Variants in PKHD1 observed in about 807,000 individuals in gnomAD.
PKHD1 encodes the protein fibrocystin.
PKHD1 carries 291 observed loss-of-function variants against 412.0 expected under a neutral mutation model. That is an observed-to-expected ratio of 0.71 (90% CI 0.64 to 0.78). The LOEUF (loss-of-function observed/expected upper bound fraction) is 0.78, where lower values mean the gene tolerates loss of function less well. Among genes scored for constraint, PKHD1 ranks in the 30% least tolerant of loss-of-function variants. The probability of loss-of-function intolerance (pLI) is 0.00; values close to 1 mark genes in which losing one functional copy is unlikely to be tolerated. For synonymous variants in PKHD1, 1,777 were observed against 1,821.5 expected (o/e 0.98, Z 0.62); for missense variants, 4,825 against 4,950.7 (o/e 0.97, Z 0.76).
chr6:51,883,380 A>G (rs939516051), intron 45 of PKHD1, among the ~76,000 whole-genome samples, 153 bp from the exon 46 acceptor site: 1 of 149,846 alleles, frequency 6.7e-6, no homozygotes, highest in Non-Finnish European at 1.5e-5. Context: ...GGCATCCTCA[A>G]GTTGCTGTGA....
chr6:51,753,365 G>A lies in PKHD1; in HGVS notation c.8798-12C>T. 6.2e-7 allele frequency: 1 copy of A among 1,611,156 alleles called. No homozygotes were observed. The highest frequency in any genetic ancestry group is 1.4e-5 in the African/African-American group (1 of 73,576). ...GACATGTACACTTCCTGGGGCAATA[G>A]GAGTTGTGGGAAAAAAAAACTTTAA... On this transcript the variant is annotated splice_polypyrimidine_tract_variant and intron_variant, in intron 56 of 66. Transcript: ENST00000371117.
At chr6:52,021,729 T>G (rs566318802) in intron 33 of PKHD1, among the ~76,000 whole-genome samples, 122 of 152,208 alleles carry the variant, frequency 8.0e-4, no homozygotes, top group Admixed American at 5.2e-4. Context: ...AAAAATTTTT[T>G]TCTCCTCCCC....
At chr6:51,694,514 G>GCTCAGATTA (rs1430077840) in intron 60 of PKHD1, among the ~76,000 whole-genome samples, 12 of 137,398 alleles carry the variant, frequency 8.7e-5, no homozygotes, top group South Asian at 2.4e-4. Flanking sequence ...CTCCCAAGTA[G>GCTCAGATTA]CTCAGATTAC....
rs112328605 is a variant in PKHD1, at chr6:51,750,234, G to A, written c.8951-1569C>T. Among the ~76,000 whole-genome samples, 711 of 152,180 alleles carry A rather than the reference G, an allele frequency of 4.7e-3. 6 individuals are homozygous for A. The highest frequency in any genetic ancestry group is 0.016 in the African/African-American group (672 of 41,518). Reference sequence around the variant, plus strand: ...AATGGGTGCTATTGAGGAGGCATTCGTAGATGGTGTGGACATATTCACAGA... The same window carrying A: ...AATGGGTGCTATTGAGGAGGCATTCATAGATGGTGTGGACATATTCACAGA... On this transcript the variant is annotated intron_variant, in intron 57 of 66. Coordinates refer to ENST00000371117, the MANE Select transcript of PKHD1 (RefSeq NM_138694.4).
In PKHD1 at chr6:51,619,230, G is replaced by C. The variant is rs780097121; in HGVS notation, c.12076C>G (p.Gln4026Glu). The part of the protein sequence containing the change: ...QLLLLCPDFR[Q>E]ERQQLPGQSR... ...TGCCCTGGCAACTGCTGCCTCTCTT[G>C]TCTGAAGTCTGGGCATAGCAGCAGC... The change falls in exon 67 of 67, where the codon CAA becomes GAA. Residue 4026 changes from glutamine (Q) to glutamate (E), a missense_variant. By Grantham distance (29) the Gln-to-Glu change is conservative. Transcript: ENST00000371117. 6.2e-7 allele frequency: 1 copy of C among 1,614,252 alleles called. No individual in the cohort carries two copies.
At chr6:51,818,961 T>A (rs1458016146) in intron 52 of PKHD1, among the ~76,000 whole-genome samples, 2 of 152,208 alleles carry the variant, frequency 1.3e-5, no homozygotes, top group Non-Finnish European at 2.9e-5. Flanking sequence ...ATCAACCTCG[T>A]ACCATAATAA....
At chr6:52,017,963 T>A (rs922279297) in intron 33 of PKHD1, among the ~76,000 whole-genome samples, 7 of 152,238 alleles carry the variant, frequency 4.6e-5, no homozygotes, top group African/African-American at 1.2e-4. Context: ...TGGCATTTTT[T>A]AAATAGTTTT....
chr6:51,682,211 C>T (rs1278682185), intron 60 of PKHD1: 5 of 455,810 alleles, frequency 1.1e-5, no homozygotes, highest in South Asian at 7.8e-5. Context: ...GGATAAAGAA[C>T]ATAAGGGAAC....
At chr6:52,082,206 T>C (rs1046017243) in intron 4 of PKHD1, among the ~76,000 whole-genome samples, 186 bp downstream of exon 4, 3 of 152,170 alleles carry the variant, frequency 2.0e-5, no homozygotes, top group Admixed American at 6.5e-5. Flanking sequence ...CATACTCTCA[T>C]CCTCCGTTAA....
At chr6:52,082,268 T>C (rs1812151056) in intron 4 of PKHD1, 124 bp downstream of exon 4, 1 of 993,818 alleles carries the variant, frequency 1.0e-6, no homozygotes, top group Non-Finnish European at 1.6e-6. Context: ...CATGAAACTT[T>C]TTTTAACAAC....
chr6:51,845,643 T>C (rs980300916), intron 50 of PKHD1, among the ~76,000 whole-genome samples: 4 of 152,230 alleles, frequency 2.6e-5, no homozygotes, highest in Non-Finnish European at 4.4e-5. Context: ...ATTTATATCA[T>C]ACATATGCAC....
chr6:51,777,807 G>A (rs530255916), intron 53 of PKHD1, among the ~76,000 whole-genome samples: 1 of 151,552 alleles, frequency 6.6e-6, no homozygotes, highest in Non-Finnish European at 1.5e-5. Flanking sequence ...AGAGTTCAGC[G>A]TTCCTCTAAA....
At chr6:51,915,021 C>T (rs1302170232) in intron 37 of PKHD1, among the ~76,000 whole-genome samples, 1 of 152,042 alleles carries the variant, frequency 6.6e-6, no homozygotes, top group African/African-American at 2.4e-5. Flanking sequence ...CCAAGTATGT[C>T]TGGGTAGCTT....
intron 35 of PKHD1, among the ~76,000 whole-genome samples, chr6:51,983,955 T>C (rs916893540): frequency 3.3e-5 from 5 of 152,256 alleles, no homozygotes; most frequent in African/African-American, 4.8e-5. Context: ...TGGGGGGTCC[T>C]CTTTAACTCT....
intron 55 of PKHD1, among the ~76,000 whole-genome samples, chr6:51,758,248 C>T (rs1250576817): frequency 1.3e-5 from 2 of 152,156 alleles, no homozygotes; most frequent in African/African-American, 2.4e-5. Flanking sequence ...TGAAGTCTTT[C>T]GGGTTCTATA....
Position 51,912,560 on chromosome 6 carries a change from T to C in PKHD1, c.6138A>G (p.Val2046=), listed in dbSNP as rs571947850. ...TLSLHGSLPE[V]IVTCLRATAH... ...CAGTTGCTCTAAGACAGGTGACAAT[T>C]ACTTCTGGTAGTGAACCTAAAGCAG... The change falls in exon 38 of 67, where the codon GTA becomes GTG. Residue 2046 remains valine, a synonymous_variant. Transcript: ENST00000371117. 12 of 1,612,182 alleles carry C rather than the reference T, an allele frequency of 7.4e-6. No individual in the cohort carries two copies. In the South Asian group the frequency reaches 7.7e-5, roughly 10 times the overall value.
chr6:51,892,125 C>G (rs532939433), intron 43 of PKHD1, among the ~76,000 whole-genome samples: 165 of 152,278 alleles, frequency 1.1e-3, no homozygotes, highest in Middle Eastern at 3.4e-3. Flanking sequence ...GACTAATTGG[C>G]CGAGTCACTC....
At chr6:51,831,992 GCCT>G (rs1768334857) in intron 51 of PKHD1, among the ~76,000 whole-genome samples, 1 of 152,058 alleles carries the variant, frequency 6.6e-6, no homozygotes, top group African/African-American at 2.4e-5. Context: ...GAATGAAAAG[GCCT>G]CCTCTTTTGA....
intron 60 of PKHD1, among the ~76,000 whole-genome samples, chr6:51,670,895 T>G (rs1562068931): frequency 1.3e-5 from 2 of 151,990 alleles, no homozygotes; most frequent in Non-Finnish European, 2.9e-5. Flanking sequence ...TTCTGGCTTG[T>G]AGAGTTTCTG....
Sources: allele counts gnomAD v4.1 joint callset (sites outside exome capture counted in the v4.1 genomes callset), GRCh38; gene constraint gnomAD v4.1.1; transcripts MANE v1.5; gene names NCBI Gene and HGNC (gene_info 2026-07-23, HGNC 2026-07-21).